Variants in VPS35L observed in about 807,000 individuals in gnomAD.
The protein encoded by VPS35L is VPS35 endosomal protein sorting factor like, also known as VPS35 endosomal protein-sorting factor-like.
VPS35L carries 83 observed loss-of-function variants against 133.0 expected under a neutral mutation model. The ratio of observed to expected loss-of-function variants is 0.62; its 90% CI spans 0.52 to 0.75. VPS35L has a LOEUF of 0.75. VPS35L is among the 30% of genes least tolerant of loss of function. The probability of loss-of-function intolerance (pLI) is 0.00; values close to 1 mark genes in which losing one functional copy is unlikely to be tolerated. For missense variants in VPS35L, 1,083 were observed against 1,206.8 expected (o/e 0.90, Z 1.52); for synonymous variants, 423 against 449.9 (o/e 0.94, Z 0.76).
chr16:19,604,308 T>C (rs1470656700), intron 9 of VPS35L, among the ~76,000 whole-genome samples: 1 of 152,156 alleles, frequency 6.6e-6, no homozygotes, highest in Non-Finnish European at 1.5e-5. Context: ...CTTCAGTGAC[T>C]ATACAAACAA....
intron 30 of VPS35L, 27 bp from the exon 31 acceptor site, chr16:19,700,351 G>T (rs1053401487): frequency 2.4e-5 from 38 of 1,577,494 alleles, no homozygotes; most frequent in Non-Finnish European, 3.2e-5. Flanking sequence ...AACCAGAAAG[G>T]AGATGGATCT....
chr16:19,607,467 T>C (rs2151544071), intron 9 of VPS35L, among the ~76,000 whole-genome samples: 1 of 152,362 alleles, frequency 6.6e-6, no homozygotes, highest in African/African-American at 2.4e-5. Flanking sequence ...CACACCTAGC[T>C]GCAAGGATGG....
intron 7 of VPS35L, among the ~76,000 whole-genome samples, chr16:19,589,864 T>A (rs927308335): frequency 5.3e-5 from 8 of 152,136 alleles, no homozygotes; most frequent in African/African-American, 1.7e-4. Flanking sequence ...CAGTAACTCA[T>A]CTCTGAGAGA....
At chr16:19,663,933 T>A (rs1443827659) in intron 26 of VPS35L, among the ~76,000 whole-genome samples, 1 of 152,082 alleles carries the variant, frequency 6.6e-6, no homozygotes, top group Non-Finnish European at 1.5e-5. Context: ...TTGGAGTCCA[T>A]CTGTGGGGTT....
chr16:19,557,325 C>T lies in VPS35L; in HGVS notation c.17+1579C>T, dbSNP rs538060692. 1.2e-4 allele frequency among the ~76,000 whole-genome samples: 19 copies of T among 152,304 alleles called. No homozygotes were observed. The East Asian group carries it at 3.1e-3, about 25-fold the overall frequency. ...TAATTTTATATTACAAGCAGGCAAACAGGTGCCATAACGCTTTTAGTATTT... is the reference window on the plus strand; with the variant it reads ...TAATTTTATATTACAAGCAGGCAAATAGGTGCCATAACGCTTTTAGTATTT... On this transcript the variant is annotated intron_variant, in intron 1 of 30. Coordinates refer to ENST00000417362, the MANE Select transcript of VPS35L (RefSeq NM_020314.7).
intron 29 of VPS35L, among the ~76,000 whole-genome samples, chr16:19,694,782 G>T (rs1975844116): frequency 6.6e-6 from 1 of 152,114 alleles, no homozygotes; most frequent in Non-Finnish European, 1.5e-5. Flanking sequence ...GAGACAGGCA[G>T]ATCACTTGAG....
chr16:19,647,562 A>G (rs7201755), intron 23 of VPS35L, among the ~76,000 whole-genome samples: 7,735 of 152,272 alleles, frequency 0.051, 642 homozygotes, highest in African/African-American at 0.17. Context: ...ACAGCTGACA[A>G]ACAATATCCC....
At chr16:19,609,323 A>G (rs1214248398) in intron 11 of VPS35L, among the ~76,000 whole-genome samples, 1 of 152,200 alleles carries the variant, frequency 6.6e-6, no homozygotes, top group Non-Finnish European at 1.5e-5. Flanking sequence ...ATGGTCTTGA[A>G]CAAGTTACTT....
rs184714324 is a variant in VPS35L at position 19,576,762 on chromosome 16, G to T, written c.433+1640G>T. ...TTTTTTTTTTTTGAGATGGAATTTT[G>T]CTCTGTCACCCATGGTGCAGTGCAA... On this transcript the variant is annotated intron_variant, in intron 5 of 30. Coordinates refer to ENST00000417362, the MANE Select transcript of VPS35L (RefSeq NM_020314.7). Among the ~76,000 whole-genome samples the T allele has an allele frequency of 6.5e-4, 96 of 147,218 alleles. 1 individual carries two copies. The East Asian group carries it at 0.018, about 28-fold the overall frequency.
At chr16:19,695,549 C>T (rs898552553) in intron 29 of VPS35L, among the ~76,000 whole-genome samples, 6 of 152,076 alleles carry the variant, frequency 3.9e-5, no homozygotes, top group African/African-American at 9.7e-5. Flanking sequence ...CATGGTGGCT[C>T]ATGCCTGTAA....
chr16:19,645,516 G>T (rs1046853639), intron 23 of VPS35L, among the ~76,000 whole-genome samples: 4 of 152,090 alleles, frequency 2.6e-5, no homozygotes, highest in African/African-American at 9.7e-5. Context: ...GTCTCGATCT[G>T]CTGACCTCGT....
At chr16:19,626,273 G>T in intron 15 of VPS35L, 50 bp downstream of exon 15, 2 of 1,413,344 alleles carry the variant, frequency 1.4e-6, no homozygotes, top group Non-Finnish European at 2.0e-6. Flanking sequence ...GGCGTTGGCT[G>T]CTATTTTTGA....
Position 19,564,832 on chromosome 16 carries a change from G to A in VPS35L, c.18-19G>A. 6.3e-7 allele frequency: 1 copy of A among 1,586,380 alleles called. No homozygotes were observed. Among genetic ancestry groups the A allele is most frequent in the Non-Finnish European group, 8.7e-7 (1 of 1,155,922 alleles). ...AAGTACCCCCATCCACTAATTGGCT[G>A]TGTTTCGCTGTTTACCAGGCACTCC... On this transcript the variant is annotated intron_variant, in intron 1 of 30. Coordinates refer to ENST00000417362, the MANE Select transcript of VPS35L (RefSeq NM_020314.7).
chr16:19,595,007 G>A (rs1597341169), intron 8 of VPS35L, among the ~76,000 whole-genome samples: 1 of 152,164 alleles, frequency 6.6e-6, no homozygotes, highest in Non-Finnish European at 1.5e-5. Flanking sequence ...TGGGGTGGGA[G>A]CATTGGGAGC....
chr16:19,626,204 T>C lies in VPS35L; in HGVS notation c.1252T>C (p.Cys418Arg). Residue 418 changes from cysteine (C) to arginine (R), a missense_variant, in exon 15 of 31, where the codon TGT becomes CGT. Cys to Arg is a radical substitution (Grantham distance 180, BLOSUM62 -3). Coordinates refer to ENST00000417362, the MANE Select transcript of VPS35L (RefSeq NM_020314.7). ...EALLTEMMER[C>R]KKLGNNALLL... ...TCTGCTGACCGAGATGATGGAAAGG[T>C]GTAAGAAACTAGGAAACAAGTAAGT... The C allele has an allele frequency of 6.3e-7, 1 of 1,599,548 alleles. No homozygotes were observed. The highest frequency in any genetic ancestry group is 8.5e-7 in the Non-Finnish European group (1 of 1,171,228).
At chr16:19,700,244 C>G in intron 30 of VPS35L, 134 bp from the exon 31 acceptor site, 1 of 700,384 alleles carries the variant, frequency 1.4e-6, no homozygotes, top group Non-Finnish European at 2.4e-6. Context: ...TGATTTCTTC[C>G]CTCCTCTCAT....
chr16:19,560,773 G>C (rs532227610), intron 1 of VPS35L, among the ~76,000 whole-genome samples: 2 of 151,570 alleles, frequency 1.3e-5, no homozygotes, highest in Non-Finnish European at 2.9e-5. Flanking sequence ...TCCATCCTGG[G>C]GTACAAAGCA....
rs79269924 is a variant in VPS35L at position 19,577,054 on chromosome 16, C to T, written c.433+1932C>T. ...CCAGACCATAAAAGGTAAATCATAC[C>T]CACCAGTTTGTAAAGATCAAATAGA... On this transcript the variant is annotated intron_variant, in intron 5 of 30. Coordinates refer to ENST00000417362, the MANE Select transcript of VPS35L (RefSeq NM_020314.7). 5.6e-3 allele frequency among the ~76,000 whole-genome samples: 851 copies of T among 152,182 alleles called. 3 individuals carry two copies. The highest frequency in any genetic ancestry group is 0.01 in the Non-Finnish European group (707 of 68,002).
intron 27 of VPS35L, among the ~76,000 whole-genome samples, chr16:19,674,197 T>C (rs1212337977): frequency 1.5e-5 from 2 of 136,146 alleles, no homozygotes; most frequent in Non-Finnish European, 3.1e-5. Flanking sequence ...TTTTTTTTTT[T>C]TTTTTTTTTT....
Sources: allele counts gnomAD v4.1 joint callset (sites outside exome capture counted in the v4.1 genomes callset), GRCh38; gene constraint gnomAD v4.1.1; transcripts MANE v1.5; gene names NCBI Gene and HGNC (gene_info 2026-07-23, HGNC 2026-07-21).